The following CEP104 variants were observed in gnomAD, a reference collection of about 807,000 sequenced individuals.
The protein encoded by CEP104 is centrosomal protein of 104 kDa.
A neutral mutation model predicts 113.3 loss-of-function variants in CEP104; 84 were observed. The observed-to-expected ratio is 0.74, with a 90% CI of 0.62 to 0.89. The LOEUF (loss-of-function observed/expected upper bound fraction) is 0.89, where lower values mean the gene tolerates loss of function less well. Among genes scored for constraint, CEP104 ranks in the 40% least tolerant of loss-of-function variants. CEP104 has a pLI of 0.00. For synonymous variants in CEP104, 378 were observed against 421.7 expected (o/e 0.90, Z 1.27); for missense variants, 1,053 against 1,156.6 (o/e 0.91, Z 1.30).
chr1:3,848,585 T>C, intron 3 of CEP104, 23 bp downstream of exon 3: 2 of 1,551,930 alleles, frequency 1.3e-6, no homozygotes, highest in Non-Finnish European at 8.8e-7. Flanking sequence ...GCTGCCATGA[T>C]ACATTTTAAA....
Position 3,852,433 on chromosome 1 carries a change from A to G in CEP104, c.-14-12T>C, listed in dbSNP as rs957262448. 1.9e-6 allele frequency: 3 copies of G among 1,597,916 alleles called. No homozygotes were observed. Among genetic ancestry groups the G allele is most frequent in the Non-Finnish European group, 2.6e-6 (3 of 1,170,952 alleles). The stretch of plus-strand genomic sequence containing the variant: ...TCTGCACGTTTGGGCTGTTTATAAG[A>G]GCAGGAAAAACTTCTTTAAAACAAA... On this transcript the variant is annotated splice_polypyrimidine_tract_variant and intron_variant, in intron 1 of 21. Transcript: ENST00000378230.
intron 12 of CEP104, among the ~76,000 whole-genome samples, chr1:3,833,407 C>T (rs968422946): frequency 1.3e-5 from 2 of 152,192 alleles, no homozygotes; most frequent in Admixed American, 1.3e-4. Context: ...AATTCATTAG[C>T]TAGTTTAAAG....
rs578262183 is a variant in CEP104 at position 3,823,231 on chromosome 1, C to T, written c.2514G>A (p.Pro838=). ...IKHKDCNPAK[P]EKLANRCPLC... ...GGGGACACCGGTTTGCCAGCTTCTC[C>T]GGTTTGGCAGCTGAAATGATTTTAA... The change falls in exon 20 of 22, where the codon CCG becomes CCA. Residue 838 remains proline (P), a synonymous_variant. Transcript: ENST00000378230. The surrounding 1 kb of genome is among the most constrained non-coding windows in gnomAD (Gnocchi z 4.1). 126 of 1,614,030 alleles carry T rather than the reference C, an allele frequency of 7.8e-5. No homozygotes were observed. Among genetic ancestry groups the T allele is most frequent in the South Asian group, 5.9e-4 (54 of 91,090 alleles).
At chr1:3,822,933 G>T in intron 20 of CEP104, 1 of 511,090 alleles carries the variant, frequency 2.0e-6, no homozygotes, top group East Asian at 3.2e-5. Flanking sequence ...CACAGGCTGG[G>T]CCTCAGTGAG....
In CEP104 at chr1:3,842,151, G is replaced by A. The variant is rs12047585; in HGVS notation, c.567-2375C>T. ...CGCCCAGGCTGGAGTGCAGTGGTGC[G>A]ATTTTGGCTCGCTGCAAGCTCCGCC... On this transcript the variant is annotated intron_variant, in intron 6 of 21. Coordinates refer to ENST00000378230, the MANE Select transcript of CEP104 (RefSeq NM_014704.4). Among the ~76,000 whole-genome samples the A allele has an allele frequency of 2.0e-3, 310 of 152,324 alleles. 11 individuals carry two copies. The East Asian group carries it at 0.054, about 27-fold the overall frequency.
rs751093535 is a variant in CEP104 at position 3,837,350 on chromosome 1, G to C, written c.1061C>G (p.Pro354Arg). ...TAACGGGTCTACTGCAGAATGCTGA[G>C]GAGAAATAGTTAGAGAATATGATGA... is the stretch of plus-strand genomic sequence containing the variant. ...KPSSYSLTIS[P>R]QHSAVDPLLP... Residue 354 changes from proline (P) to arginine (R), a missense_variant, in exon 9 of 22, where the codon CCT becomes CGT. Pro to Arg is a moderately radical substitution (Grantham distance 103). Coordinates refer to ENST00000378230, the MANE Select transcript of CEP104 (RefSeq NM_014704.4). 3 of 1,614,028 alleles carry C rather than the reference G, an allele frequency of 1.9e-6. No individual in the cohort carries two copies. Among genetic ancestry groups the C allele is most frequent in the African/African-American group, 2.7e-5 (2 of 74,938 alleles).
intron 4 of CEP104, among the ~76,000 whole-genome samples, chr1:3,846,082 G>A (rs540836772): frequency 1.1e-4 from 10 of 88,636 alleles, no homozygotes; most frequent in East Asian, 2.4e-4. Flanking sequence ...GTGAAACTCC[G>A]TCTCAAAAAA....
Position 3,820,465 on chromosome 1 carries a change from G to A in CEP104, c.2571+2709C>T, listed in dbSNP as rs543872049. ...CCCTGTAGGAAAAGCAGCCCCTGGA[G>A]GAAGGCGGATGGAAGCGGGGCAGGA... is the stretch of plus-strand genomic sequence containing the variant. On this transcript the variant is annotated intron_variant, in intron 20 of 21. Transcript: ENST00000378230. 6.6e-5 allele frequency among the ~76,000 whole-genome samples: 10 copies of A among 152,382 alleles called. No individual in the cohort carries two copies. In the East Asian group the frequency reaches 1.9e-3, roughly 29 times the overall value.
intron 1 of CEP104, chr1:3,855,942 C>T (rs903720213): frequency 2.0e-6 from 2 of 985,432 alleles, no homozygotes; most frequent in African/African-American, 3.5e-5. Flanking sequence ...CAGAGTACAT[C>T]TCTCCCCAGG....
chr1:3,842,759 GATTATTTGGA>G (rs1319648607), intron 6 of CEP104, among the ~76,000 whole-genome samples: 2 of 152,172 alleles, frequency 1.3e-5, no homozygotes, highest in African/African-American at 4.8e-5. Flanking sequence ...AAGAGCCAAG[GATTATTTGGA>G]ATTCCTCTTT....
chr1:3,837,498 G>A lies in CEP104; in HGVS notation c.913C>T (p.Pro305Ser). 6.2e-7 allele frequency: 1 copy of A among 1,614,186 alleles called. No homozygotes were observed. Among genetic ancestry groups the A allele is most frequent in the South Asian group, 1.1e-5 (1 of 91,088 alleles). ...CCAGAACGAGCGAGGGGCTGGAGGG[G>A]CAAATCAAAAGGTCTTCGCATCTAG... ...AELMRRPFDL[P>S]LQPLARSGSP... is the part of the protein sequence containing the mutation. The change falls in exon 9 of 22, where the codon CCC (proline) becomes TCC (serine). Residue 305 changes from proline (P) to serine (S), a missense_variant. Coordinates refer to ENST00000378230, the MANE Select transcript of CEP104 (RefSeq NM_014704.4).
Position 3,839,538 on chromosome 1 carries a change from T to C in CEP104, c.735+70A>G, listed in dbSNP as rs1409517357. The C allele has an allele frequency of 6.6e-6, 9 of 1,358,408 alleles. No homozygotes were observed. In the East Asian group the frequency reaches 6.9e-5, roughly 10 times the overall value. 84.1% of individuals were successfully genotyped at this position (1,358,408 alleles called of 1,614,324 possible). A position where few individuals can be genotyped will look rare whatever the true frequency, so the allele number is the denominator to read the frequency against. The stretch of plus-strand genomic sequence containing the variant: ...TTAGTAACTGGTTTCTTTTACCATG[T>C]AGTTATTCTAAGTATACATAAAACC... On this transcript the variant is annotated intron_variant, in intron 7 of 21. Transcript: ENST00000378230.
At chr1:3,815,548 A>G (rs775255288) in intron 21 of CEP104, 31 bp from the exon 22 acceptor site, 1 of 1,484,676 alleles carries the variant, frequency 6.7e-7, no homozygotes, top group Non-Finnish European at 9.1e-7. Context: ...CTGCATTAGG[A>G]GGGGCACTCC....
intron 1 of CEP104, chr1:3,855,841 T>C (rs1644713174): frequency 1.1e-6 from 1 of 925,652 alleles, no homozygotes; most frequent in Non-Finnish European, 1.3e-6. Flanking sequence ...CAAAGCTCTG[T>C]TGAACATCCA....
chr1:3,836,699 T>C lies in CEP104; in HGVS notation c.1120-7A>G. 2 of 1,613,016 alleles carry C rather than the reference T, an allele frequency of 1.2e-6. No individual in the cohort carries two copies. Among genetic ancestry groups the C allele is most frequent in the Non-Finnish European group, 1.7e-6 (2 of 1,179,940 alleles). Reference sequence around the variant, plus strand: ...CGTAGGGCAGGGACTCTGCCTGCAGTGAGTGAAGGAGAGAGGAAAGTGCTG... The same window carrying C: ...CGTAGGGCAGGGACTCTGCCTGCAGCGAGTGAAGGAGAGAGGAAAGTGCTG... On this transcript the variant is annotated splice_region_variant and splice_polypyrimidine_tract_variant and intron_variant, in intron 9 of 21. Transcript: ENST00000378230.
At chr1:3,821,016 A>G (rs1643961927) in intron 20 of CEP104, among the ~76,000 whole-genome samples, 2 of 152,208 alleles carry the variant, frequency 1.3e-5, no homozygotes, top group Admixed American at 1.3e-4. Context: ...GATGGAGCTT[A>G]CTTCCCTTGA....
chr1:3,826,730 A>T lies in CEP104; in HGVS notation c.2166T>A (p.Asp722Glu), dbSNP rs1347154512. The change falls in exon 16 of 22, where the codon GAT (aspartate) becomes GAA (glutamate). Residue 722 changes from aspartate to glutamate, a missense_variant. Asp to Glu is a conservative substitution (Grantham distance 45). Transcript: ENST00000378230. ...TACCCTGATTCTTTGGCTTCACAGC[A>T]TCACTTTCTTTTTCCTAAGACACAG... ...IQAEVQEKES[D>E]AVKPKNQDIQ... 1 of 1,614,044 alleles carries T rather than the reference A, an allele frequency of 6.2e-7. No homozygotes were observed. The highest frequency in any genetic ancestry group is 2.2e-5 in the East Asian group (1 of 44,904).
chr1:3,822,473 T>C (rs1422293573), intron 20 of CEP104, among the ~76,000 whole-genome samples: 1 of 151,850 alleles, frequency 6.6e-6, no homozygotes, highest in African/African-American at 2.4e-5. Flanking sequence ...GCTAAGGAGG[T>C]TGGAGTGGAA....
intron 10 of CEP104, among the ~76,000 whole-genome samples, chr1:3,835,721 C>G (rs1294097308): frequency 6.6e-6 from 1 of 152,176 alleles, no homozygotes; most frequent in African/African-American, 2.4e-5. Flanking sequence ...CTATGCCATC[C>G]TTTTGCGCTG....
Sources: gnomAD v4.1 joint callset for allele counts (sites outside exome capture counted in the v4.1 genomes callset) on GRCh38, gnomAD v4.1.1 for gene constraint, Gnocchi (gnomAD v3.1) non-coding constraint, MANE v1.5 for transcripts, NCBI Gene and HGNC (gene_info 2026-07-23, HGNC 2026-07-21) for gene names.